The following DCAF5 variants were observed in gnomAD, a reference collection of about 807,000 sequenced individuals.
DCAF5 encodes the protein DDB1- and CUL4-associated factor 5.
A neutral mutation model predicts 80.7 loss-of-function variants in DCAF5; 9 were observed. That is an observed-to-expected ratio of 0.11 (90% CI 0.07 to 0.19). DCAF5 has a LOEUF of 0.19. Ranked by LOEUF, DCAF5 falls within the 10% of genes least tolerant of loss-of-function variation. The pLI is 1.00. For synonymous variants in DCAF5, 433 were observed against 461.9 expected, an observed-to-expected ratio of 0.94 and a Z score of 0.80; for missense variants, 842 against 1,205.7, an observed-to-expected ratio of 0.70 and a Z score of 4.47.
intron 6 of DCAF5, chr14:69,090,647 C>T (rs931888884): frequency 6.4e-6 from 1 of 155,308 alleles, no homozygotes; most frequent in Non-Finnish European, 1.4e-5. Context: ...GAGAAAAATC[C>T]TAGCTTTTAC....
chr14:69,125,176 AAAAAATGAACCAT>A (rs1260069019), intron 1 of DCAF5, among the ~76,000 whole-genome samples: 4 of 152,226 alleles, frequency 2.6e-5, no homozygotes. Flanking sequence ...CTTATTGAAC[AAAAAATGAACCAT>A]AACTGACAAA....
At chr14:69,099,464 T>C (rs957132060) in intron 5 of DCAF5, among the ~76,000 whole-genome samples, 64 of 152,118 alleles carry the variant, frequency 4.2e-4, no homozygotes, top group Non-Finnish European at 1.6e-4. Flanking sequence ...CATAGGTGCA[T>C]AGGTGGAGAT....
intron 5 of DCAF5, among the ~76,000 whole-genome samples, chr14:69,104,736 A>C (rs936613854): frequency 1.3e-5 from 2 of 152,232 alleles, no homozygotes; most frequent in Non-Finnish European, 2.9e-5. Context: ...GGGCGCCTGT[A>C]ATCCCAGCTA....
At chr14:69,126,829 G>A (rs1241747650) in intron 1 of DCAF5, among the ~76,000 whole-genome samples, 1 of 151,988 alleles carries the variant, frequency 6.6e-6, no homozygotes, top group African/African-American at 2.4e-5. Flanking sequence ...TTCAACAAAT[G>A]GTGCTGAAAC....
chr14:69,065,179 C>A (rs1342918796), intron 7 of DCAF5, among the ~76,000 whole-genome samples: 3 of 143,974 alleles, frequency 2.1e-5, no homozygotes, highest in African/African-American at 5.1e-5. Context: ...CTCACTGCAA[C>A]CTCCACCTCC....
At chr14:69,073,381 T>C (rs1476220559) in intron 7 of DCAF5, among the ~76,000 whole-genome samples, 4 of 152,310 alleles carry the variant, frequency 2.6e-5, no homozygotes, top group African/African-American at 7.2e-5. Context: ...CGTGGACTTC[T>C]AGCCTGCAGA....
intron 1 of DCAF5, among the ~76,000 whole-genome samples, chr14:69,144,810 A>C (rs2041489133): frequency 3.9e-5 from 6 of 152,164 alleles, no homozygotes; most frequent in Admixed American, 3.9e-4. Flanking sequence ...GGGAAAAGAG[A>C]GAAACAGCAC....
In DCAF5 at chr14:69,055,286, C is replaced by T. The variant is rs2139824583; in HGVS notation, c.1400G>A (p.Arg467His). Residue 467 changes from arginine to histidine, a missense_variant, in exon 9 of 9, where the codon CGC becomes CAC. By Grantham distance (29) the Arg-to-His change is conservative (BLOSUM62 0). Coordinates refer to ENST00000341516, the MANE Select transcript of DCAF5 (RefSeq NM_003861.3). The surrounding 1 kb of genome is among the most constrained non-coding windows in gnomAD (Gnocchi z 5.6). The part of the protein sequence containing the change: ...TDSESSASLP[R>H]SPPPTVDESA... ...CTCATCTACTGTGGGAGGCGGGGAG[C>T]GAGGCAATGAGGCCGAAGACTCTGA... 3.7e-6 allele frequency: 6 copies of T among 1,614,108 alleles called. No homozygotes were observed. The highest frequency in any genetic ancestry group is 2.7e-5 in the African/African-American group (2 of 75,030).
At chr14:69,148,899 T>A (rs1253405212) in intron 1 of DCAF5, among the ~76,000 whole-genome samples, 3 of 152,188 alleles carry the variant, frequency 2.0e-5, no homozygotes, top group Non-Finnish European at 2.9e-5. Flanking sequence ...TCAAATCACA[T>A]GACATCAAAT....
intron 1 of DCAF5, among the ~76,000 whole-genome samples, chr14:69,150,874 AAC>A (rs2041680864): frequency 6.6e-6 from 1 of 152,196 alleles, no homozygotes; most frequent in Non-Finnish European, 1.5e-5. Flanking sequence ...CAGCCTGGGC[AAC>A]AGAGTGATAC....
chr14:69,114,043 C>CAAG (rs1009296728), intron 5 of DCAF5, among the ~76,000 whole-genome samples: 25 of 152,206 alleles, frequency 1.6e-4, no homozygotes, highest in African/African-American at 4.8e-4. Context: ...GAACTCAAAA[C>CAAG]AAGATATCAT....
At chr14:69,076,265 A>G (rs10145145) in intron 6 of DCAF5, among the ~76,000 whole-genome samples, 6,345 of 152,316 alleles carry the variant, frequency 0.042, 427 homozygotes, top group African/African-American at 0.15. Flanking sequence ...GAACTACCAC[A>G]TGATGCAGCA....
chr14:69,124,946 T>C (rs2040831316), intron 1 of DCAF5, among the ~76,000 whole-genome samples: 2 of 152,214 alleles, frequency 1.3e-5, no homozygotes, highest in Non-Finnish European at 2.9e-5. Flanking sequence ...ACGTTTCTTC[T>C]ACTTGCTCAT....
chr14:69,061,179 A>G (rs1055745272), intron 8 of DCAF5, among the ~76,000 whole-genome samples: 1 of 151,930 alleles, frequency 6.6e-6, no homozygotes, highest in African/African-American at 2.4e-5. Context: ...TTTTGTAGAG[A>G]CCACGTCCCA....
In DCAF5 at chr14:69,122,266, G is replaced by A. The variant is rs2140070291; in HGVS notation, c.309C>T (p.Asn103=). 1 of 1,614,000 alleles carries A rather than the reference G, an allele frequency of 6.2e-7. No homozygotes were observed. Among genetic ancestry groups the A allele is most frequent in the Non-Finnish European group, 8.5e-7 (1 of 1,179,908 alleles). ...CACTGTTGAAAGCCAGGCAAAAAAT[G>A]TTGGAATGGTGCTCTCCTTTCAGCT... is the stretch of plus-strand genomic sequence containing the variant. ...PIQLKGEHHS[N]IFCLAFNSGN... The change falls in exon 2 of 9, where the codon AAC becomes AAT. Residue 103 remains asparagine (N), a synonymous_variant. Coordinates refer to ENST00000341516, the MANE Select transcript of DCAF5 (RefSeq NM_003861.3).
chr14:69,098,727 C>CA (rs35501979), intron 5 of DCAF5, among the ~76,000 whole-genome samples: 42,250 of 92,514 alleles, frequency 0.46, 9,274 homozygotes, highest in East Asian at 0.85. Flanking sequence ...ACTAAAAATA[C>CA]AAAAAAAAAA....
intron 5 of DCAF5, among the ~76,000 whole-genome samples, chr14:69,103,976 T>G (rs1447029133): frequency 6.6e-6 from 1 of 152,254 alleles, no homozygotes; most frequent in East Asian, 1.9e-4. Flanking sequence ...GTCTGTGGTA[T>G]GAATGTACCA....
At position 69,074,090 on chromosome 14, in the gene DCAF5, G is replaced by A. The variant is rs180809780; in HGVS notation, c.946+1255C>T. 5.9e-4 allele frequency among the ~76,000 whole-genome samples: 90 copies of A among 152,278 alleles called. 1 individual carries two copies. The East Asian group carries it at 0.017, about 28-fold the overall frequency. ...CAGCAAATGTTGAGTTATGCCAAAA[G>A]TAGGCCCCAACAGGTTTTGAAAGGC... is the stretch of plus-strand genomic sequence containing the variant. On this transcript the variant is annotated intron_variant, in intron 7 of 8. Coordinates refer to ENST00000341516, the MANE Select transcript of DCAF5 (RefSeq NM_003861.3).
chr14:69,138,301 TC>T (rs1473574959), intron 1 of DCAF5, among the ~76,000 whole-genome samples: 1 of 152,160 alleles, frequency 6.6e-6, no homozygotes, highest in Non-Finnish European at 1.5e-5. Flanking sequence ...AAAGAATTCC[TC>T]CTCCTGAGTA....
Sources: gnomAD v4.1 joint callset for allele counts (sites outside exome capture counted in the v4.1 genomes callset) on GRCh38, gnomAD v4.1.1 for gene constraint, Gnocchi (gnomAD v3.1) non-coding constraint, MANE v1.5 for transcripts, NCBI Gene and HGNC (gene_info 2026-07-23, HGNC 2026-07-21) for gene names.